Variants in HNRNPL observed in about 807,000 individuals in gnomAD.
HNRNPL encodes the protein heterogeneous nuclear ribonucleoprotein L, also known as epididymis secretory sperm binding protein.
HNRNPL carries 12 observed loss-of-function variants against 64.0 expected under a neutral mutation model. That is an observed-to-expected ratio of 0.19 (90% CI 0.12 to 0.30). The LOEUF (loss-of-function observed/expected upper bound fraction) is 0.30, where lower values mean the gene tolerates loss of function less well. Among genes scored for constraint, HNRNPL ranks in the 10% least tolerant of loss-of-function variants. The pLI, the probability that HNRNPL is intolerant of heterozygous loss-of-function variation, is 1.00. For synonymous variants in HNRNPL, 385 were observed against 313.0 expected (o/e 1.23, Z -2.43); for missense variants, 484 against 797.4 (o/e 0.61, Z 4.73).
intron 6 of HNRNPL, chr19:38,840,768 C>T: frequency 1.7e-6 from 1 of 585,044 alleles, no homozygotes; most frequent in Non-Finnish European, 3.0e-6. Flanking sequence ...TTCCCCTGCT[C>T]ATACCAAAGG....
chr19:38,848,149 G>A (rs1328690189), intron 1 of HNRNPL, among the ~76,000 whole-genome samples: 1 of 152,162 alleles, frequency 6.6e-6, no homozygotes, highest in East Asian at 1.9e-4. Flanking sequence ...GGAGTGCTAT[G>A]GCGTGATCTT....
Position 38,846,106 on chromosome 19 carries a change from C to A in HNRNPL, c.387-16G>T, listed in dbSNP as rs370732294. On this transcript the variant is annotated splice_polypyrimidine_tract_variant and intron_variant, in intron 2 of 12. Coordinates refer to ENST00000221419, the MANE Select transcript of HNRNPL (RefSeq NM_001533.3). ...CACCACATAGCTGGCAGAGAGAACA[C>A]AGGTTTCAATCCTCTCAGGAAAATG... 8.9e-6 allele frequency: 14 copies of A among 1,576,058 alleles called. No homozygotes were observed. The highest frequency in any genetic ancestry group is 1.2e-5 in the Non-Finnish European group (14 of 1,145,524).
At chr19:38,846,897 G>T (rs1043124173) in intron 2 of HNRNPL, among the ~76,000 whole-genome samples, 12 of 151,896 alleles carry the variant, frequency 7.9e-5, no homozygotes, top group Non-Finnish European at 1.3e-4. Context: ...CAGAGCAAGA[G>T]ACTGTCTCAA....
chr19:38,837,559 C>T (rs1315677746), intron 11 of HNRNPL, 35 bp downstream of exon 11: 38 of 1,612,300 alleles, frequency 2.4e-5, no homozygotes, highest in Middle Eastern at 1.6e-4. Flanking sequence ...AACCACCATG[C>T]AATTAGGGCA....
Position 38,846,070 on chromosome 19 carries a change from T to C in HNRNPL, c.407A>G (p.Lys136Arg). 6.2e-7 allele frequency: 1 copy of C among 1,613,856 alleles called. No individual in the cohort carries two copies. ...GPISYVVVMP[K>R]KRQALVEFED... ...AAACTCCACCAGTGCTTGTCTCTTT[T>C]TAGGCATTACCACCACATAGCTGGC... The change falls in exon 3 of 13, where the codon AAA becomes AGA. Residue 136 changes from lysine to arginine, a missense_variant. Around this residue, in one of 9 missense-constraint regions of HNRNPL, gnomAD observed 23 missense variants for 70.8 expected, o/e 0.32. Coordinates refer to ENST00000221419, the MANE Select transcript of HNRNPL (RefSeq NM_001533.3).
intron 10 of HNRNPL, 143 bp from the exon 11 acceptor site, chr19:38,837,794 T>A: frequency 1.5e-6 from 1 of 672,890 alleles, no homozygotes; most frequent in Non-Finnish European, 2.6e-6. Context: ...CCCTAAGGCA[T>A]CCCTGTGTCA....
chr19:38,843,643 G>C (rs1270254724), intron 6 of HNRNPL, 199 bp downstream of exon 6: 1 of 592,552 alleles, frequency 1.7e-6, no homozygotes, highest in Non-Finnish European at 3.0e-6. Flanking sequence ...GCATCGGAGG[G>C]CCCCAAGCAG....
intron 10 of HNRNPL, 100 bp downstream of exon 10, chr19:38,838,297 C>T: frequency 1.1e-6 from 1 of 948,478 alleles, no homozygotes; most frequent in African/African-American, 1.6e-5. Flanking sequence ...CCAGGCAGGA[C>T]AGGAGTTCAA....
intron 2 of HNRNPL, among the ~76,000 whole-genome samples, chr19:38,846,962 C>G (rs901037170): frequency 6.6e-6 from 1 of 151,964 alleles, no homozygotes; most frequent in Non-Finnish European, 1.5e-5. Context: ...GGCATGGTGG[C>G]GCATGCCTAT....
At chr19:38,847,271 G>C in intron 2 of HNRNPL, 45 bp downstream of exon 2, 1 of 958,284 alleles carries the variant, frequency 1.0e-6, no homozygotes, top group South Asian at 2.2e-5. Flanking sequence ...AGGACACCCA[G>C]GAGTCAACTT....
In HNRNPL at chr19:38,844,001, G is replaced by A. The variant is rs1321702768; in HGVS notation, c.807+7C>T. ...ACAAGGGGCAGTCAGTCACCTCCCA[G>A]ATGTACCTTTGCGTATTCGATCTTC... On this transcript the variant is annotated splice_region_variant and intron_variant, in intron 5 of 12. Transcript: ENST00000221419. The A allele has an allele frequency of 2.5e-6, 4 of 1,611,822 alleles. No homozygotes were observed. Among genetic ancestry groups the A allele is most frequent in the East Asian group, 2.2e-5 (1 of 44,882 alleles).
At position 38,841,769 on chromosome 19, in the gene HNRNPL, A is replaced by G. The variant is rs554773964; in HGVS notation, c.881-1210T>C. On this transcript the variant is annotated intron_variant, in intron 6 of 12. Transcript: ENST00000221419. ...TTAAAGAATTGTTTTAAAAGTCAATATTTTGATTAAATCAAAAATGGCTCA... is the reference window on the plus strand; with the variant it reads ...TTAAAGAATTGTTTTAAAAGTCAATGTTTTGATTAAATCAAAAATGGCTCA... The G allele has an allele frequency of 4.2e-5, 23 of 543,862 alleles. No individual in the cohort carries two copies. The East Asian group carries it at 6.8e-4, about 16-fold the overall frequency. The allele number at this position is 543,862 out of a possible 1,614,324, so 33.7% of individuals were successfully genotyped here. A position where few individuals can be genotyped will look rare whatever the true frequency, so the allele number is the denominator to read the frequency against.
intron 9 of HNRNPL, 111 bp from the exon 10 acceptor site, chr19:38,838,709 T>C: frequency 7.5e-7 from 1 of 1,330,430 alleles, no homozygotes; most frequent in Non-Finnish European, 1.1e-6. Flanking sequence ...GGCATTGCTC[T>C]ACACCTGAGG....
At chr19:38,838,721 A>T (rs980128185) in intron 9 of HNRNPL, 123 bp from the exon 10 acceptor site, 22 of 1,308,716 alleles carry the variant, frequency 1.7e-5, no homozygotes, top group Non-Finnish European at 2.1e-5. Flanking sequence ...CACCTGAGGC[A>T]AGGCTGACTC....
At chr19:38,842,090 T>TG (rs1400111298) in intron 6 of HNRNPL, 3 of 149,836 alleles carry the variant, frequency 2.0e-5, no homozygotes, top group Non-Finnish European at 4.4e-5. Flanking sequence ...TGATTTTTTT[T>TG]TTGTTGTGGT....
At chr19:38,844,344 C>A (rs1195201510) in intron 4 of HNRNPL, among the ~76,000 whole-genome samples, 1 of 152,138 alleles carries the variant, frequency 6.6e-6, no homozygotes, top group Non-Finnish European at 1.5e-5. Context: ...GCACCCCGAC[C>A]CATGGCCACC....
At position 38,844,035 on chromosome 19, in the gene HNRNPL, A is replaced by G; in HGVS notation, c.780T>C (p.Cys260=). The G allele has an allele frequency of 6.2e-7, 1 of 1,614,066 alleles. No homozygotes were observed. ...TTGCGTATTCGATCTTCAGAGTGCA[A>G]CAGCCAGAATAGATATCAGCCCCAT... ...SLNGADIYSG[C]CTLKIEYAKP... Residue 260 remains cysteine, a synonymous_variant, in exon 5 of 13, where the codon TGT becomes TGC. Coordinates refer to ENST00000221419, the MANE Select transcript of HNRNPL (RefSeq NM_001533.3).
intron 2 of HNRNPL, among the ~76,000 whole-genome samples, chr19:38,847,112 G>C (rs1972325800): frequency 6.6e-6 from 1 of 152,128 alleles, no homozygotes; most frequent in Non-Finnish European, 1.5e-5. Context: ...CTACAAGGCA[G>C]AGGAAAAACG....
intron 2 of HNRNPL, among the ~76,000 whole-genome samples, chr19:38,847,114 G>C (rs1972325912): frequency 6.6e-6 from 1 of 152,088 alleles, no homozygotes. Context: ...ACAAGGCAGA[G>C]GAAAAACGAA....
Sources: allele counts gnomAD v4.1 joint callset (sites outside exome capture counted in the v4.1 genomes callset), GRCh38; gene constraint gnomAD v4.1.1; regional missense constraint gnomAD v4.1.1; transcripts MANE v1.5; gene names NCBI Gene and HGNC (gene_info 2026-07-23, HGNC 2026-07-21).